Variants in EIF4E2 observed in about 807,000 individuals in gnomAD.
EIF4E2 encodes eukaryotic translation initiation factor 4E type 2.
EIF4E2 carries 13 observed loss-of-function variants against 34.2 expected under a neutral mutation model. The ratio of observed to expected loss-of-function variants is 0.38; its 90% CI spans 0.25 to 0.60. EIF4E2 has a LOEUF of 0.60. Ranked by LOEUF, EIF4E2 falls within the 20% of genes least tolerant of loss-of-function variation. The probability of loss-of-function intolerance (pLI) is 0.62; values close to 1 mark genes in which losing one functional copy is unlikely to be tolerated. For synonymous variants in EIF4E2, 100 were observed against 106.6 expected (o/e 0.94, Z 0.38); for missense variants, 222 against 315.1 (o/e 0.70, Z 2.24).
At chr2:232,577,724 G>T (rs1049886169) in intron 6 of EIF4E2, among the ~76,000 whole-genome samples, 1 of 152,186 alleles carries the variant, frequency 6.6e-6, no homozygotes, top group Non-Finnish European at 1.5e-5. Flanking sequence ...ATCTGGTAGA[G>T]AAATAATTCT....
downstream of EIF4E2, chr2:232,569,358 CAT>C (rs563335935): frequency 1.4e-4 from 105 of 772,402 alleles, no homozygotes; most frequent in South Asian, 1.4e-3. Flanking sequence ...TGTGTAGTGT[CAT>C]GTGGTATTTT....
At chr2:232,565,997 C>T (rs991986059) in intron 4 of EIF4E2, among the ~76,000 whole-genome samples, 2 of 151,448 alleles carry the variant, frequency 1.3e-5, no homozygotes, top group African/African-American at 4.9e-5. Context: ...GAGGCAGAGA[C>T]AGGAGAATCG....
intron 3 of EIF4E2, chr2:232,558,257 AG>A: frequency 2.6e-6 from 1 of 381,408 alleles, no homozygotes; most frequent in South Asian, 6.7e-5. Context: ...ATAATACAAA[AG>A]AACAGATTTG....
At chr2:232,568,803 A>G in intron 6 of EIF4E2, 142 bp from the exon 7 acceptor site, 2 of 1,477,446 alleles carry the variant, frequency 1.4e-6, no homozygotes, top group Non-Finnish European at 1.8e-6. Context: ...TCTCTGCTTT[A>G]TCCAGAGGTC....
chr2:232,559,437 G>GGGAA (rs1553582383), intron 3 of EIF4E2, among the ~76,000 whole-genome samples: 17 of 119,094 alleles, frequency 1.4e-4, no homozygotes, highest in Admixed American at 6.5e-4. Flanking sequence ...GCTTTGGTTT[G>GGGAA]AAAAAAATAA....
At chr2:232,552,572 G>A (rs1209306275) in intron 1 of EIF4E2, among the ~76,000 whole-genome samples, 1 of 152,212 alleles carries the variant, frequency 6.6e-6, no homozygotes, top group Non-Finnish European at 1.5e-5. Context: ...TTTTACAGAT[G>A]AGGAAAGTGA....
intron 6 of EIF4E2, chr2:232,568,612 C>T (rs1159196379): frequency 2.0e-6 from 2 of 985,300 alleles, no homozygotes; most frequent in East Asian, 2.3e-4. Context: ...AGCTTTTTAC[C>T]TGGATAGGAG....
In EIF4E2 at chr2:232,566,941, GGGA is replaced by G. The variant is rs1306337007; in HGVS notation, c.493_495del (p.Glu165del). 2 of 1,608,170 alleles carry G rather than the reference GGGA, an allele frequency of 1.2e-6. No individual in the cohort carries two copies. The highest frequency in any genetic ancestry group is 1.3e-5 in the African/African-American group (1 of 74,754). The stretch of plus-strand genomic sequence containing the variant: ...ATGCTGGGGGAACAGTTCATGGTTG[GGGA>G]GGAGATCTGTGGGGCTGTGGTGTCT... On this transcript the variant is annotated inframe_deletion, in exon 5 of 7. Coordinates refer to ENST00000258416, the MANE Select transcript of EIF4E2 (RefSeq NM_004846.4). The surrounding 1 kb of genome is among the most constrained non-coding windows in gnomAD (Gnocchi z 4.9).
intron 6 of EIF4E2, among the ~76,000 whole-genome samples, chr2:232,577,709 G>T (rs1693255874): frequency 6.6e-6 from 1 of 152,198 alleles, no homozygotes; most frequent in African/African-American, 2.4e-5. Context: ...TCAGGACAAA[G>T]GAACATCTGG....
chr2:232,554,431 G>A lies in EIF4E2; in HGVS notation c.21-1985G>A, dbSNP rs371013175. 2.8e-4 allele frequency among the ~76,000 whole-genome samples: 43 copies of A among 152,304 alleles called. 1 individual carries two copies. In the South Asian group the frequency reaches 4.6e-3, roughly 16 times the overall value. ...AGGGGCCTTTGCACCATGCTGAGGCGTGGGTATATCTGTGTACCTTTTCTC... is the reference window on the plus strand; with the variant it reads ...AGGGGCCTTTGCACCATGCTGAGGCATGGGTATATCTGTGTACCTTTTCTC... On this transcript the variant is annotated intron_variant, in intron 1 of 6. Transcript: ENST00000258416.
At position 232,568,996 on chromosome 2, in the gene EIF4E2, G is replaced by T; in HGVS notation, c.717G>T (p.Lys239Asn). ...PQRLLFQNLW[K>N]PRLNVP ...GGCTCCTTTTTCAAAACCTCTGGAA[G>T]CCGCGGTTGAATGTGCCATGACCCT... Residue 239 changes from lysine to asparagine, a missense_variant, in exon 7 of 7, where the codon AAG becomes AAT. Physicochemically the swap from Lys to Asn is moderately conservative, Grantham distance 94. Around this residue, in one of 3 missense-constraint regions of EIF4E2, gnomAD observed 30 missense variants for 26.3 expected, o/e 1.14. Transcript: ENST00000258416. 6.2e-7 allele frequency: 1 copy of T among 1,614,192 alleles called. No homozygotes were observed. Among genetic ancestry groups the T allele is most frequent in the South Asian group, 1.1e-5 (1 of 91,074 alleles).
intron 6 of EIF4E2, chr2:232,567,991 C>A: frequency 1.0e-6 from 1 of 970,752 alleles, no homozygotes; most frequent in Non-Finnish European, 1.2e-6. Flanking sequence ...CCAATATGTG[C>A]CTTTGACAAG....
At chr2:232,564,624 G>T (rs1256194244) in intron 4 of EIF4E2, among the ~76,000 whole-genome samples, 3 of 152,126 alleles carry the variant, frequency 2.0e-5, no homozygotes, top group Non-Finnish European at 4.4e-5. Flanking sequence ...CTAATTTTTT[G>T]TGTTTTTTAG....
chr2:232,553,972 C>T (rs1165902243), intron 1 of EIF4E2: 1 of 152,162 alleles, frequency 6.6e-6, no homozygotes, highest in Admixed American at 6.6e-5. Flanking sequence ...GCAAGGGACC[C>T]CAGAGGCTAT....
chr2:232,568,239 A>G, intron 6 of EIF4E2: 1 of 985,402 alleles, frequency 1.0e-6, no homozygotes, highest in African/African-American at 1.7e-5. Flanking sequence ...CAGACAGACC[A>G]TTTGGGAATC....
intron 1 of EIF4E2, among the ~76,000 whole-genome samples, chr2:232,554,745 C>G (rs1448018758): frequency 6.6e-6 from 1 of 152,210 alleles, no homozygotes; most frequent in Non-Finnish European, 1.5e-5. Context: ...GCTCCATTCT[C>G]TTATCTCATA....
chr2:232,579,524 G>A (rs1195192186), intron 6 of EIF4E2, among the ~76,000 whole-genome samples: 1 of 151,994 alleles, frequency 6.6e-6, no homozygotes, highest in Admixed American at 6.6e-5. Flanking sequence ...GTGTAGTCGG[G>A]GGCTGTTGGT....
At chr2:232,567,560 A>T (rs1364909695) in intron 6 of EIF4E2, 1 of 1,224,762 alleles carries the variant, frequency 8.2e-7, no homozygotes, top group African/African-American at 1.6e-5. Context: ...TTTTAAGATA[A>T]TTTCACCCTG....
At chr2:232,568,747 C>T in intron 6 of EIF4E2, 198 bp from the exon 7 acceptor site, 5 of 985,440 alleles carry the variant, frequency 5.1e-6, no homozygotes, top group Non-Finnish European at 6.0e-6. Context: ...TTTAGGAGAG[C>T]CTGTGGGCTT....
Sources: allele counts gnomAD v4.1 joint callset (sites outside exome capture counted in the v4.1 genomes callset), GRCh38; gene constraint gnomAD v4.1.1; regional missense constraint gnomAD v4.1.1; non-coding constraint Gnocchi (gnomAD v3.1); transcripts MANE v1.5; gene names NCBI Gene and HGNC (gene_info 2026-07-23, HGNC 2026-07-21).